COQ6: variants seen among roughly 807,000 people sequenced by gnomAD.
COQ6 encodes the protein coenzyme Q6, monooxygenase, also known as ubiquinone biosynthesis monooxygenase COQ6, mitochondrial.
In COQ6, 45 loss-of-function variants were observed where a neutral mutation model predicts 55.5. The ratio of observed to expected loss-of-function variants is 0.81; its 90% confidence interval spans 0.64 to 1.04. The LOEUF (loss-of-function observed/expected upper bound fraction) is 1.04, where lower values mean the gene tolerates loss of function less well. COQ6 is among the 50% of genes least tolerant of loss of function. COQ6 has a pLI of 0.00. For missense variants in COQ6, 550 were observed against 601.3 expected (o/e 0.91, Z 0.89); for synonymous variants, 206 against 230.5 (o/e 0.89, Z 0.96).
At chr14:73,962,193 G>A (rs1380315460) in intron 11 of COQ6, among the ~76,000 whole-genome samples, 3 of 152,072 alleles carry the variant, frequency 2.0e-5, no homozygotes, top group African/African-American at 7.2e-5. Flanking sequence ...TGATCTGCCT[G>A]CCTCGGCCTC....
chr14:73,949,950 G>C (rs751881918), upstream of COQ6: 3 of 1,612,740 alleles, frequency 1.9e-6, no homozygotes, highest in Non-Finnish European at 2.5e-6. Flanking sequence ...CTTTCCCGGG[G>C]GCAGTCTCTT....
At position 73,955,429 on chromosome 14, in the gene COQ6, C is replaced by T. The variant is rs1036540303; in HGVS notation, c.299-22C>T. 3.7e-6 allele frequency: 6 copies of T among 1,608,824 alleles called. No individual in the cohort carries two copies. The African/African-American group carries it at 8.0e-5, about 22-fold the overall frequency. The stretch of plus-strand genomic sequence containing the variant: ...CAGGTCCTTGTGAAGTCACTCTGGT[C>T]TATAGATCCTTTCTTTTGTAGGTTT... On this transcript the variant is annotated intron_variant, in intron 2 of 11. Transcript: ENST00000334571.
upstream of COQ6, chr14:73,950,182 T>A: frequency 3.2e-6 from 5 of 1,565,232 alleles, no homozygotes; most frequent in Non-Finnish European, 4.3e-6. Context: ...GGAGGCAAGG[T>A]TCGTTTTCCG....
intron 4 of COQ6, chr14:73,956,144 G>A (rs566271548): frequency 2.0e-6 from 1 of 494,400 alleles, no homozygotes; most frequent in East Asian, 4.5e-5. Flanking sequence ...CTAACATGGT[G>A]AAACCCTGTC....
chr14:73,956,749 A>G (rs1012083751), intron 4 of COQ6: 3 of 152,206 alleles, frequency 2.0e-5, no homozygotes, highest in Non-Finnish European at 2.9e-5. Context: ...TATTTTAAAT[A>G]TAAATTTATC....
intron 1 of COQ6, among the ~76,000 whole-genome samples, chr14:73,952,330 C>T (rs750680341): frequency 2.6e-5 from 4 of 151,656 alleles, no homozygotes; most frequent in African/African-American, 4.8e-5. Flanking sequence ...ACCATGTTGC[C>T]CACGCTGGTC....
intron 5 of COQ6, chr14:73,958,511 A>C (rs2056551815): frequency 1.8e-5 from 25 of 1,356,478 alleles, no homozygotes; most frequent in Non-Finnish European, 2.2e-5. Flanking sequence ...GCTGGGCCTC[A>C]CAGGACAGGC....
Position 73,955,977 on chromosome 14 carries a change from A to C in COQ6, c.481+49A>C, listed in dbSNP as rs750547215. On this transcript the variant is annotated intron_variant, in intron 4 of 11. Transcript: ENST00000334571. ...GCATTCATTGGGAAGTGAACTGCTT[A>C]GGACTTACTGGAAGAAAGGATCTCT... 22 of 1,611,544 alleles carry C rather than the reference A, an allele frequency of 1.4e-5. 2 individuals are homozygous for C. In the Admixed American group the frequency reaches 1.8e-4, roughly 13 times the overall value.
intron 11 of COQ6, 90 bp from the exon 12 acceptor site, chr14:73,962,880 G>A (rs1329825517): frequency 1.0e-5 from 11 of 1,101,524 alleles, no homozygotes; most frequent in Non-Finnish European, 1.5e-5. Context: ...AGGACACTTG[G>A]GAAGAATACC....
intron 8 of COQ6, chr14:73,960,113 A>G: frequency 1.0e-6 from 1 of 995,116 alleles, no homozygotes; most frequent in Non-Finnish European, 1.2e-6. Context: ...TATTTTGAAC[A>G]GTTCTGCTAG....
intron 4 of COQ6, 163 bp downstream of exon 4, chr14:73,956,091 A>C (rs768746790): frequency 6.5e-6 from 6 of 919,948 alleles, no homozygotes; most frequent in South Asian, 4.1e-5. Context: ...TTTGGAGGCT[A>C]AGGCGGGCGG....
intron 7 of COQ6, 82 bp downstream of exon 7, chr14:73,959,306 A>G (rs1483152725): frequency 1.2e-6 from 2 of 1,614,080 alleles, no homozygotes; most frequent in South Asian, 1.1e-5. Context: ...TCTGGTTTCA[A>G]GGGAATCTGC....
chr14:73,961,430 C>T (rs1383254363), intron 9 of COQ6, 25 bp from the exon 10 acceptor site: 2 of 1,613,590 alleles, frequency 1.2e-6, no homozygotes, highest in African/African-American at 1.3e-5. Flanking sequence ...CCAGAGGTCA[C>T]ACCTGAACTC....
chr14:73,950,658 T>G (rs2056153392), intron 1 of COQ6, 163 bp downstream of exon 1: 3 of 1,128,848 alleles, frequency 2.7e-6, no homozygotes, highest in Admixed American at 5.4e-5. Flanking sequence ...GGAATGCGTG[T>G]GGTCCTTCAG....
chr14:73,960,733 G>A, intron 8 of COQ6: 3 of 511,018 alleles, frequency 5.9e-6, no homozygotes, highest in Non-Finnish European at 8.9e-6. Context: ...ATAGGATGCT[G>A]TGGAAGCATA....
At position 73,961,901 on chromosome 14, in the gene COQ6, A is replaced by C; in HGVS notation, c.1375A>C (p.Lys459Gln). 1 of 1,614,122 alleles carries C rather than the reference A, an allele frequency of 6.2e-7. No homozygotes were observed. Among genetic ancestry groups the C allele is most frequent in the Non-Finnish European group, 8.5e-7 (1 of 1,180,000 alleles). ...GGCCACAAATGCAGTGTCTCCACTC[A>C]AAGTAAGAGGTTGCTCAGAGGAATG... ...LQATNAVSPLKEQIMAFASK is the reference protein window; with the variant it reads ...LQATNAVSPLQEQIMAFASK The change falls in exon 11 of 12, where the codon AAA becomes CAA. Residue 459 changes from lysine to glutamine, a missense_variant and splice_region_variant. By Grantham distance (53) the Lys-to-Gln change is moderately conservative. Coordinates refer to ENST00000334571, the MANE Select transcript of COQ6 (RefSeq NM_182476.3).
intron 11 of COQ6, among the ~76,000 whole-genome samples, chr14:73,962,217 A>C (rs1486874683): frequency 6.6e-6 from 1 of 152,034 alleles, no homozygotes; most frequent in Non-Finnish European, 1.5e-5. Context: ...AAGTGCTGGG[A>C]TTACAGGCGT....
intron 8 of COQ6, chr14:73,960,264 C>T: frequency 4.1e-6 from 4 of 986,260 alleles, no homozygotes; most frequent in Non-Finnish European, 4.8e-6. Context: ...ACTAACTGCT[C>T]AGGATTGAAT....
chr14:73,962,190 C>T (rs912178606), intron 11 of COQ6, among the ~76,000 whole-genome samples: 1 of 152,080 alleles, frequency 6.6e-6, no homozygotes, highest in Non-Finnish European at 1.5e-5. Flanking sequence ...TCGTGATCTG[C>T]CTGCCTCGGC....
Sources: allele counts gnomAD v4.1 joint callset (sites outside exome capture counted in the v4.1 genomes callset), GRCh38; gene constraint gnomAD v4.1.1; transcripts MANE v1.5; gene names NCBI Gene and HGNC (gene_info 2026-07-23, HGNC 2026-07-21).